NDST3: variants seen among roughly 807,000 people sequenced by gnomAD.
The protein encoded by NDST3 is N-deacetylase and N-sulfotransferase 3, also known as bifunctional heparan sulfate N-deacetylase/N-sulfotransferase 3.
Under a neutral mutation model 96.1 loss-of-function variants are expected in NDST3, and 58 were observed. The ratio of observed to expected loss-of-function variants is 0.60; its 90% CI spans 0.49 to 0.75. NDST3 has a LOEUF of 0.75. NDST3 is among the 30% of genes least tolerant of loss of function. The pLI, the probability that NDST3 is intolerant of heterozygous loss-of-function variation, is 0.00. For synonymous variants in NDST3, 333 were observed against 359.7 expected (o/e 0.93, Z 0.84); for missense variants, 788 against 1,034.2 (o/e 0.76, Z 3.27).
At chr4:118,048,788 C>T (rs1560606947) in intron 1 of NDST3, among the ~76,000 whole-genome samples, 1 of 151,996 alleles carries the variant, frequency 6.6e-6, no homozygotes, top group Non-Finnish European at 1.5e-5. Context: ...TGGGAGATGT[C>T]AACACCCCAC....
rs28558085 is a variant in NDST3 at position 118,225,303 on chromosome 4, A to G, written c.1722+630A>G. 6.8e-3 allele frequency among the ~76,000 whole-genome samples: 1,038 copies of G among 152,334 alleles called. 13 individuals are homozygous for G. Among genetic ancestry groups the G allele is most frequent in the African/African-American group, 0.023 (975 of 41,588 alleles). ...AGACTCTTATGTATCATAGAATTGC[A>G]GGAACAACTTTGAATTTAAATTGTC... On this transcript the variant is annotated intron_variant, in intron 7 of 13. Coordinates refer to ENST00000296499, the MANE Select transcript of NDST3 (RefSeq NM_004784.3).
chr4:118,200,308 G>A (rs1007872346), intron 6 of NDST3, among the ~76,000 whole-genome samples: 15 of 152,104 alleles, frequency 9.9e-5, no homozygotes, highest in African/African-American at 2.4e-4. Context: ...CAAATGCAGC[G>A]AGCCTCACCT....
chr4:118,116,005 T>C (rs890951027), intron 4 of NDST3, among the ~76,000 whole-genome samples: 6 of 151,804 alleles, frequency 4.0e-5, no homozygotes, highest in Non-Finnish European at 8.8e-5. Flanking sequence ...GCTGATACTG[T>C]GAAAATGTTT....
At chr4:118,203,119 T>C (rs1034415136) in intron 6 of NDST3, among the ~76,000 whole-genome samples, 1 of 152,232 alleles carries the variant, frequency 6.6e-6, no homozygotes, top group Non-Finnish European at 1.5e-5. Flanking sequence ...TCACATTTAT[T>C]CATTTGCATA....
chr4:118,173,682 T>C (rs1254534038), intron 6 of NDST3, among the ~76,000 whole-genome samples: 2 of 152,156 alleles, frequency 1.3e-5, no homozygotes, highest in African/African-American at 4.8e-5. Context: ...ATTCAGTACT[T>C]TATTTTCCAT....
intron 1 of NDST3, among the ~76,000 whole-genome samples, chr4:118,049,644 A>G (rs937140881): frequency 1.3e-4 from 20 of 151,846 alleles, no homozygotes; most frequent in Non-Finnish European, 2.5e-4. Flanking sequence ...AAATTCCTGG[A>G]AATGCAATCT....
At chr4:118,141,679 T>C (rs898671482) in intron 5 of NDST3, among the ~76,000 whole-genome samples, 11 of 152,224 alleles carry the variant, frequency 7.2e-5, no homozygotes, top group Admixed American at 5.2e-4. Flanking sequence ...ACCCTAGAAG[T>C]GATTCAGTCA....
At chr4:118,112,602 A>C (rs1730729732) in intron 3 of NDST3, among the ~76,000 whole-genome samples, 1 of 152,234 alleles carries the variant, frequency 6.6e-6, no homozygotes, top group Non-Finnish European at 1.5e-5. Flanking sequence ...GGTTAGAAGC[A>C]GAGATGTTTA....
intron 6 of NDST3, among the ~76,000 whole-genome samples, chr4:118,167,589 C>A (rs776546150): frequency 7.3e-5 from 11 of 151,720 alleles, no homozygotes; most frequent in Non-Finnish European, 1.5e-4. Flanking sequence ...CCACAAAGGG[C>A]CCCAAAAATC....
Position 118,224,490 on chromosome 4 carries a change from G to C in NDST3, c.1540-1G>C. ...CACTGAAGTTCATTTGCTTTTTTCA[G>C]ATCAGCATTTTCATGACCCATTTGT... On this transcript the variant is annotated splice_acceptor_variant, in intron 6 of 13. Coordinates refer to ENST00000296499, the MANE Select transcript of NDST3 (RefSeq NM_004784.3). LOFTEE classifies it high-confidence loss of function. The C allele has an allele frequency of 6.3e-7, 1 of 1,596,890 alleles. No individual in the cohort carries two copies. Among genetic ancestry groups the C allele is most frequent in the Non-Finnish European group, 8.5e-7 (1 of 1,171,136 alleles).
At chr4:118,226,294 G>C (rs1560730208) in intron 7 of NDST3, among the ~76,000 whole-genome samples, 1 of 152,122 alleles carries the variant, frequency 6.6e-6, no homozygotes, top group East Asian at 1.9e-4. Context: ...CCCTAAGGTA[G>C]TAATTCACCC....
At chr4:118,091,544 T>A (rs545338737) in intron 2 of NDST3, among the ~76,000 whole-genome samples, 2 of 151,776 alleles carry the variant, frequency 1.3e-5, no homozygotes, top group South Asian at 4.2e-4. Context: ...CAGCTCTAAA[T>A]CCTTCTTTGT....
At chr4:118,190,715 T>G (rs1737251641) in intron 6 of NDST3, among the ~76,000 whole-genome samples, 2 of 152,168 alleles carry the variant, frequency 1.3e-5, no homozygotes, top group African/African-American at 4.8e-5. Context: ...TGGGTTTGAC[T>G]TTGCTGCATA....
At chr4:118,098,993 T>C (rs1729563527) in intron 2 of NDST3, among the ~76,000 whole-genome samples, 1 of 152,092 alleles carries the variant, frequency 6.6e-6, no homozygotes, top group Admixed American at 6.6e-5. Context: ...CCTTTTAAAG[T>C]TGGCAGAATT....
chr4:118,179,216 G>C (rs559962965), intron 6 of NDST3, among the ~76,000 whole-genome samples: 1 of 151,944 alleles, frequency 6.6e-6, no homozygotes, highest in African/African-American at 2.4e-5. Flanking sequence ...TCTTTAAAAA[G>C]ATAGTCCAGG....
At chr4:118,041,434 T>G (rs915528706) in intron 1 of NDST3, among the ~76,000 whole-genome samples, 18 of 152,222 alleles carry the variant, frequency 1.2e-4, no homozygotes, top group Non-Finnish European at 4.4e-5. Context: ...GTGTTGACAT[T>G]TATAACTGAT....
At chr4:118,043,222 T>A (rs1724571556) in intron 1 of NDST3, among the ~76,000 whole-genome samples, 1 of 152,218 alleles carries the variant, frequency 6.6e-6, no homozygotes. Context: ...TAACTTAACA[T>A]TGAATGAAAT....
At chr4:118,209,667 C>T (rs1240744570) in intron 6 of NDST3, among the ~76,000 whole-genome samples, 2 of 152,148 alleles carry the variant, frequency 1.3e-5, no homozygotes, top group Admixed American at 6.5e-5. Flanking sequence ...AGACAAACTG[C>T]TCCAAGCTAA....
chr4:118,192,373 G>A (rs1246830222), intron 6 of NDST3, among the ~76,000 whole-genome samples: 1 of 152,132 alleles, frequency 6.6e-6, no homozygotes, highest in Non-Finnish European at 1.5e-5. Flanking sequence ...CAATGTCTTA[G>A]AGAGTTCCCC....
Sources: allele counts gnomAD v4.1 joint callset (sites outside exome capture counted in the v4.1 genomes callset), GRCh38; gene constraint gnomAD v4.1.1; transcripts MANE v1.5; gene names NCBI Gene and HGNC (gene_info 2026-07-23, HGNC 2026-07-21).